Variants in MAP2K5 observed in about 807,000 individuals in gnomAD.
The protein encoded by MAP2K5 is mitogen-activated protein kinase kinase 5.
MAP2K5 carries 49 observed loss-of-function variants against 83.1 expected under a neutral mutation model. The ratio of observed to expected loss-of-function variants is 0.59; its 90% CI spans 0.47 to 0.75. The LOEUF is 0.75. Among genes scored for constraint, MAP2K5 ranks in the 30% least tolerant of loss-of-function variants. The pLI is 0.00. For missense variants in MAP2K5, 457 were observed against 557.5 expected, an observed-to-expected ratio of 0.82 and a Z score of 1.82; for synonymous variants, 202 against 191.8, an observed-to-expected ratio of 1.05 and a Z score of -0.44.
At chr15:67,617,163 T>G (rs1344110495) in intron 8 of MAP2K5, among the ~76,000 whole-genome samples, 1 of 152,238 alleles carries the variant, frequency 6.6e-6, no homozygotes, top group African/African-American at 2.4e-5. Flanking sequence ...ATTTTGCTAA[T>G]AAATTGACAT....
At position 67,778,500 on chromosome 15, in the gene MAP2K5, G is replaced by A. The variant is rs778426128; in HGVS notation, c.1242+5748G>A. On this transcript the variant is annotated intron_variant, in intron 21 of 21. Coordinates refer to ENST00000178640, the MANE Select transcript of MAP2K5 (RefSeq NM_145160.3). The surrounding 1 kb of genome is among the most constrained non-coding windows in gnomAD (Gnocchi z 5.0). ...GAAGATGATTTTATTTAGGGCTATT[G>A]CAGTAGGGAGAGTGTTTATTAATGA... is the stretch of plus-strand genomic sequence containing the variant. Among the ~76,000 whole-genome samples the A allele has an allele frequency of 6.6e-6, 1 of 152,198 alleles. No homozygotes were observed. The highest frequency in any genetic ancestry group is 1.5e-5 in the Non-Finnish European group (1 of 68,038).
chr15:67,547,590 G>A (rs1226834101), intron 1 of MAP2K5, among the ~76,000 whole-genome samples: 4 of 151,786 alleles, frequency 2.6e-5, no homozygotes, highest in African/African-American at 4.8e-5. Context: ...TGAGCAGCTG[G>A]GATTACAGAT....
At chr15:67,704,467 C>T (rs1325947076) in intron 16 of MAP2K5, among the ~76,000 whole-genome samples, 1 of 152,064 alleles carries the variant, frequency 6.6e-6, no homozygotes, top group Non-Finnish European at 1.5e-5. Context: ...GATTTTGTAA[C>T]CTTTTTTTTT....
intron 19 of MAP2K5, among the ~76,000 whole-genome samples, chr15:67,765,615 T>G (rs1217884903): frequency 6.6e-6 from 1 of 152,146 alleles, no homozygotes; most frequent in Non-Finnish European, 1.5e-5. Context: ...GTCTTTGGAG[T>G]GTCCAGCTTA....
At chr15:67,658,694 GT>G (rs1281037071) in intron 12 of MAP2K5, 80 bp downstream of exon 12, 16 of 1,231,158 alleles carry the variant, frequency 1.3e-5, no homozygotes, top group African/African-American at 3.0e-5. Flanking sequence ...TATTCTCAAT[GT>G]TTTTTCTTGT....
Position 67,708,212 on chromosome 15 carries a change from A to G in MAP2K5, c.1044+4804A>G, listed in dbSNP as rs1278283755. Among the ~76,000 whole-genome samples, 2 of 151,658 alleles carry G rather than the reference A, an allele frequency of 1.3e-5. No individual in the cohort carries two copies. Among genetic ancestry groups the G allele is most frequent in the East Asian group, 1.9e-4 (1 of 5,166 alleles). ...GTGGTGTGTGCCTATAGTCCTTGCT[A>G]TGTGGCAGGCTGAGGCAGGAAAATT... On this transcript the variant is annotated intron_variant, in intron 16 of 21. Coordinates refer to ENST00000178640, the MANE Select transcript of MAP2K5 (RefSeq NM_145160.3). The surrounding 1 kb of genome is among the most constrained non-coding windows in gnomAD (Gnocchi z 4.9).
intron 1 of MAP2K5, among the ~76,000 whole-genome samples, chr15:67,548,417 G>A (rs996874652): frequency 1.3e-5 from 2 of 152,188 alleles, no homozygotes. Context: ...AGTTTATTAC[G>A]AAGTAAGCTT....
Position 67,640,542 on chromosome 15 carries a change from AG to A in MAP2K5, c.586-5688del, listed in dbSNP as rs1274031535. On this transcript the variant is annotated intron_variant, in intron 9 of 21. Coordinates refer to ENST00000178640, the MANE Select transcript of MAP2K5 (RefSeq NM_145160.3). The surrounding 1 kb of genome is among the most constrained non-coding windows in gnomAD (Gnocchi z 4.6). Reference sequence around the variant, plus strand: ...AGGATTGTGAAGAGCAGCAAATCACAGTCCTTGTCCAAACTGAATCACCTGC... The same window carrying A: ...AGGATTGTGAAGAGCAGCAAATCACATCCTTGTCCAAACTGAATCACCTGC... The A allele has an allele frequency of 3.1e-6, 3 of 981,702 alleles. No individual in the cohort carries two copies. Among genetic ancestry groups the A allele is most frequent in the African/African-American group, 1.7e-5 (1 of 57,150 alleles). The allele number at this position is 981,702 out of a possible 1,614,324, so 60.8% of individuals were successfully genotyped here.
At chr15:67,800,328 A>G (rs960558629) in intron 21 of MAP2K5, among the ~76,000 whole-genome samples, 1 of 152,142 alleles carries the variant, frequency 6.6e-6, no homozygotes, top group African/African-American at 2.4e-5. Flanking sequence ...TTTTAGCATG[A>G]ATGTATTAGT....
intron 21 of MAP2K5, among the ~76,000 whole-genome samples, chr15:67,798,872 A>G (rs1179889600): frequency 2.0e-5 from 3 of 152,218 alleles, no homozygotes; most frequent in African/African-American, 7.2e-5. Flanking sequence ...AAAGCTTTAG[A>G]AATCAGAGGC....
At position 67,748,246 on chromosome 15, in the gene MAP2K5, G is replaced by A. The variant is rs1273893346; in HGVS notation, c.1090G>A (p.Gly364Arg). ...FPYPQIQKNQ[G>R]SLMPLQLLQC... Reference sequence around the variant, plus strand: ...CTTTTTTCAGATTCAGAAAAACCAGGGATCTTTAATGGTAAGCTTTATGAG... The same window carrying A: ...CTTTTTTCAGATTCAGAAAAACCAGAGATCTTTAATGGTAAGCTTTATGAG... The change falls in exon 18 of 22, where the codon GGA becomes AGA. Residue 364 changes from glycine to arginine, a missense_variant. This residue lies in a region of MAP2K5 where 168 missense variants were observed against 263.0 expected (regional missense o/e 0.64). Transcript: ENST00000178640. This position sits in a 1 kb window ranked among gnomAD's most constrained non-coding sequence, Gnocchi z 4.0. 1.9e-6 allele frequency: 3 copies of A among 1,607,724 alleles called. No individual in the cohort carries two copies. The highest frequency in any genetic ancestry group is 1.1e-5 in the South Asian group (1 of 90,346).
intron 19 of MAP2K5, among the ~76,000 whole-genome samples, chr15:67,756,286 G>T (rs1408947208): frequency 1.3e-5 from 2 of 152,080 alleles, no homozygotes; most frequent in African/African-American, 4.8e-5. Flanking sequence ...TGCTTTCTTT[G>T]ATCAAGAACA....
At chr15:67,580,858 T>C (rs1480405103) in intron 4 of MAP2K5, 35 bp downstream of exon 4, 1 of 1,354,402 alleles carries the variant, frequency 7.4e-7, no homozygotes, top group Non-Finnish European at 1.1e-6. Context: ...ACAATGATTA[T>C]TTCAGTAAAC....
intron 12 of MAP2K5, among the ~76,000 whole-genome samples, chr15:67,659,748 G>GA (rs2087190003): frequency 6.6e-6 from 1 of 151,974 alleles, no homozygotes; most frequent in African/African-American, 2.4e-5. Flanking sequence ...AATTGAAAAA[G>GA]AAAAAAGTAT....
rs1329787915 is a variant in MAP2K5, at chr15:67,786,907, A to G, written c.1242+14155A>G. Among the ~76,000 whole-genome samples, 1 of 152,222 alleles carries G rather than the reference A, an allele frequency of 6.6e-6. No homozygotes were observed. Among genetic ancestry groups the G allele is most frequent in the Non-Finnish European group, 1.5e-5 (1 of 68,042 alleles). ...TCATCACTGCTAATAACAAGAGGGA[A>G]GACATTCCAGGGAGAGAAAATGGCA... On this transcript the variant is annotated intron_variant, in intron 21 of 21. Transcript: ENST00000178640. This position sits in a 1 kb window ranked among gnomAD's most constrained non-coding sequence, Gnocchi z 4.7.
intron 8 of MAP2K5, among the ~76,000 whole-genome samples, chr15:67,601,596 C>T (rs1205378376): frequency 2.6e-5 from 4 of 152,154 alleles, no homozygotes; most frequent in Admixed American, 6.5e-5. Flanking sequence ...GATACTTTAA[C>T]ATTGATATTA....
At chr15:67,642,303 T>G in intron 9 of MAP2K5, 1 of 623,878 alleles carries the variant, frequency 1.6e-6, no homozygotes, top group South Asian at 2.6e-5. Context: ...TACTAGGCAC[T>G]ACTGTGAGTT....
At chr15:67,688,274 C>G (rs2141195493) in intron 13 of MAP2K5, among the ~76,000 whole-genome samples, 1 of 152,324 alleles carries the variant, frequency 6.6e-6, no homozygotes, top group African/African-American at 2.4e-5. Flanking sequence ...GAGGACTTTC[C>G]ATTTTTGCAC....
At position 67,576,060 on chromosome 15, in the gene MAP2K5, G is replaced by T. The variant is rs1035786240; in HGVS notation, c.253-4694G>T. Reference sequence around the variant, plus strand: ...GCCTCCTGAGTAGCTGGGATTACAGGTGCACACCACCACGCCTGGCTAATT... The same window carrying T: ...GCCTCCTGAGTAGCTGGGATTACAGTTGCACACCACCACGCCTGGCTAATT... On this transcript the variant is annotated intron_variant, in intron 3 of 21. Transcript: ENST00000178640. Among the ~76,000 whole-genome samples, 16 of 145,208 alleles carry T rather than the reference G, an allele frequency of 1.1e-4. 1 individual carries two copies. Among genetic ancestry groups the T allele is most frequent in the Admixed American group, 5.5e-4 (8 of 14,592 alleles).
Sources: allele counts gnomAD v4.1 joint callset (sites outside exome capture counted in the v4.1 genomes callset), GRCh38; gene constraint gnomAD v4.1.1; regional missense constraint gnomAD v4.1.1; non-coding constraint Gnocchi (gnomAD v3.1); transcripts MANE v1.5; gene names NCBI Gene and HGNC (gene_info 2026-07-23, HGNC 2026-07-21).